The following MLLT1 variants were observed in gnomAD, a reference collection of about 807,000 sequenced individuals.
The protein encoded by MLLT1 is protein ENL.
MLLT1 carries 11 observed loss-of-function variants against 55.1 expected under a neutral mutation model. The observed-to-expected ratio is 0.20, with a 90% CI of 0.13 to 0.33. The LOEUF (loss-of-function observed/expected upper bound fraction) is 0.33, where lower values mean the gene tolerates loss of function less well. MLLT1 is among the 10% of genes least tolerant of loss of function. MLLT1 has a pLI of 1.00. For synonymous variants in MLLT1, 323 were observed against 320.1 expected (o/e 1.01, Z -0.10); for missense variants, 536 against 760.6 (o/e 0.70, Z 3.47).
chr19:6,262,162 G>T lies in MLLT1; in HGVS notation c.276+66C>A. 2 of 1,286,306 alleles carry T rather than the reference G, an allele frequency of 1.6e-6. No individual in the cohort carries two copies. Among genetic ancestry groups the T allele is most frequent in the Non-Finnish European group, 1.1e-6 (1 of 884,830 alleles). The allele number at this position is 1,286,306 out of a possible 1,614,324, so 79.7% of individuals were successfully genotyped here. On this transcript the variant is annotated intron_variant, in intron 3 of 11. Coordinates refer to ENST00000252674, the MANE Select transcript of MLLT1 (RefSeq NM_005934.4). The surrounding 1 kb of genome is among the most constrained non-coding windows in gnomAD (Gnocchi z 4.4). ...AGTTCTCTGGCCTGTTTTGTGAACT[G>T]CCGTGGCACCCGGAGCAGGGGTCCC...
intron 3 of MLLT1, among the ~76,000 whole-genome samples, chr19:6,261,199 C>A (rs2091301722): frequency 6.6e-6 from 1 of 152,236 alleles, no homozygotes; most frequent in Non-Finnish European, 1.5e-5. Context: ...AGGTTCGGCT[C>A]TTCTCCCAGC....
In MLLT1 at chr19:6,262,094, C is replaced by T. The variant is rs1243544999; in HGVS notation, c.276+134G>A. ...CAGGAATGGAGATGGTGACCAGCAC[C>T]CCCCGCAGCACTCACTGGAATGTCT... On this transcript the variant is annotated intron_variant, in intron 3 of 11. Coordinates refer to ENST00000252674, the MANE Select transcript of MLLT1 (RefSeq NM_005934.4). The surrounding 1 kb of genome is among the most constrained non-coding windows in gnomAD (Gnocchi z 4.4). The T allele has an allele frequency of 1.6e-5, 11 of 693,172 alleles. No individual in the cohort carries two copies. The highest frequency in any genetic ancestry group is 2.8e-5 in the Non-Finnish European group (11 of 393,774). 42.9% of individuals were successfully genotyped at this position (693,172 alleles called of 1,614,324 possible).
chr19:6,279,944 G>T lies in MLLT1; in HGVS notation c.-160C>A. On this transcript the variant is annotated 5_prime_UTR_variant, in exon 1 of 12. Coordinates refer to ENST00000252674, the MANE Select transcript of MLLT1 (RefSeq NM_005934.4). Reference sequence around the variant, plus strand: ...CGCCCGCTCGCCCGCCAGCCCCGCGGAACCGGAAACCACCGCCAGCCCGGG... The same window carrying T: ...CGCCCGCTCGCCCGCCAGCCCCGCGTAACCGGAAACCACCGCCAGCCCGGG... The T allele has an allele frequency of 6.0e-6, 1 of 165,702 alleles. No homozygotes were observed. The highest frequency in any genetic ancestry group is 1.2e-5 in the Non-Finnish European group (1 of 80,178). 10.3% of individuals were successfully genotyped at this position (165,702 alleles called of 1,614,324 possible).
Position 6,230,846 on chromosome 19 carries a change from C to T in MLLT1, c.277-133G>A. The T allele has an allele frequency of 8.7e-7, 1 of 1,146,546 alleles. No homozygotes were observed. The highest frequency in any genetic ancestry group is 2.2e-5 in the Admixed American group (1 of 45,464). The allele number at this position is 1,146,546 out of a possible 1,614,324, so 71.0% of individuals were successfully genotyped here. On this transcript the variant is annotated intron_variant, in intron 3 of 11. Coordinates refer to ENST00000252674, the MANE Select transcript of MLLT1 (RefSeq NM_005934.4). The surrounding 1 kb of genome is among the most constrained non-coding windows in gnomAD (Gnocchi z 9.0). ...CCCTCCCTCCGATTTGCGCCCACTT[C>T]TCTCTCAGGGCACCTCCTGCCCTGC...
Position 6,222,432 on chromosome 19 carries a change from A to T in MLLT1, c.799T>A (p.Ser267Thr). 1.3e-6 allele frequency: 2 copies of T among 1,536,864 alleles called. No individual in the cohort carries two copies. The highest frequency in any genetic ancestry group is 1.7e-6 in the Non-Finnish European group (2 of 1,145,044). ...GGGGGTGGGGGCCCACCCTTGGGGG[A>T]CGTGCTTTCCAGCTTGGTCTCTTTC... Reference protein sequence around the residue: ...ALKETKLESTSPKGGPPPPPP... With the variant: ...ALKETKLESTTPKGGPPPPPP... Residue 267 changes from serine to threonine, a missense_variant, in exon 6 of 12, where the codon TCC (serine) becomes ACC (threonine). Around this residue, in one of 3 missense-constraint regions of MLLT1, gnomAD observed 449 missense variants for 489.0 expected, o/e 0.92. Coordinates refer to ENST00000252674, the MANE Select transcript of MLLT1 (RefSeq NM_005934.4). The surrounding 1 kb of genome is among the most constrained non-coding windows in gnomAD (Gnocchi z 4.1).
chr19:6,264,929 G>GA (rs201284176), intron 2 of MLLT1, among the ~76,000 whole-genome samples: 12 of 107,362 alleles, frequency 1.1e-4, no homozygotes, highest in Non-Finnish European at 2.2e-4. Flanking sequence ...ATCCCAGAAA[G>GA]AAAAAAAGAG....
chr19:6,265,226 T>C (rs1003083863), intron 2 of MLLT1, among the ~76,000 whole-genome samples: 12 of 152,162 alleles, frequency 7.9e-5, no homozygotes, highest in East Asian at 1.9e-4. Flanking sequence ...CTAAGTGATA[T>C]ATACTCCCAA....
Position 6,226,578 on chromosome 19 carries a change from C to A in MLLT1, c.546+399G>T, listed in dbSNP as rs996961236. ...CTGGCATAGCCAAGGGCAGAAGTAGCCCCAGCTGCCCTCAGGAGGGTTGAA... is the reference window on the plus strand; with the variant it reads ...CTGGCATAGCCAAGGGCAGAAGTAGACCCAGCTGCCCTCAGGAGGGTTGAA... On this transcript the variant is annotated intron_variant, in intron 5 of 11. Transcript: ENST00000252674. The surrounding 1 kb of genome is among the most constrained non-coding windows in gnomAD (Gnocchi z 6.3). 6.6e-6 allele frequency among the ~76,000 whole-genome samples: 1 copy of A among 152,176 alleles called. No individual in the cohort carries two copies. The highest frequency in any genetic ancestry group is 6.5e-5 in the Admixed American group (1 of 15,286).
At position 6,252,317 on chromosome 19, in the gene MLLT1, C is replaced by T. The variant is rs368448347; in HGVS notation, c.276+9911G>A. ...CTGAGCTTGAGGGGAGCTGTGCTGC[C>T]GGCAACCCAGATCTCCAGCTTGCAG... On this transcript the variant is annotated intron_variant, in intron 3 of 11. Coordinates refer to ENST00000252674, the MANE Select transcript of MLLT1 (RefSeq NM_005934.4). Among the ~76,000 whole-genome samples the T allele has an allele frequency of 5.3e-5, 8 of 152,286 alleles. No homozygotes were observed. The East Asian group carries it at 9.6e-4, about 18-fold the overall frequency.
In MLLT1 at chr19:6,230,669, G is replaced by A. The variant is rs1406266842; in HGVS notation, c.321C>T (p.Asn107=). The A allele has an allele frequency of 2.5e-6, 4 of 1,613,990 alleles. No individual in the cohort carries two copies. Among genetic ancestry groups the A allele is most frequent in the Non-Finnish European group, 8.5e-7 (1 of 1,180,046 alleles). The stretch of plus-strand genomic sequence containing the variant: ...GGTTCACGGGCGGGTTGCCTTCCAG[G>A]TTCAGGAACAGGTCGTAGGTGAAGC... ...KVCFTYDLFL[N]LEGNPPVNHL... Residue 107 remains asparagine, a synonymous_variant, in exon 4 of 12, where the codon AAC becomes AAT. Transcript: ENST00000252674. The surrounding 1 kb of genome is among the most constrained non-coding windows in gnomAD (Gnocchi z 9.0).
chr19:6,252,809 A>G (rs1254430790), intron 3 of MLLT1, among the ~76,000 whole-genome samples: 1 of 152,238 alleles, frequency 6.6e-6, no homozygotes, highest in Non-Finnish European at 1.5e-5. Flanking sequence ...ACCTTTGGCT[A>G]GTATTTAAAA....
rs2091257931 is a variant in MLLT1, at chr19:6,256,495, C to T, written c.276+5733G>A. 6.6e-6 allele frequency among the ~76,000 whole-genome samples: 1 copy of T among 151,862 alleles called. No homozygotes were observed. Among genetic ancestry groups the T allele is most frequent in the Non-Finnish European group, 1.5e-5 (1 of 68,000 alleles). ...AAAGGCGGGGCACGGTGGCTCACGC[C>T]TGTAATCTCAGCACTTTGGGAGGCC... On this transcript the variant is annotated intron_variant, in intron 3 of 11. Coordinates refer to ENST00000252674, the MANE Select transcript of MLLT1 (RefSeq NM_005934.4). The surrounding 1 kb of genome is among the most constrained non-coding windows in gnomAD (Gnocchi z 4.1).
chr19:6,268,984 T>C (rs1163750202), intron 2 of MLLT1, among the ~76,000 whole-genome samples: 1 of 152,062 alleles, frequency 6.6e-6, no homozygotes, highest in Non-Finnish European at 1.5e-5. Flanking sequence ...GAAATCAGCG[T>C]CCGGGGCCCA....
intron 3 of MLLT1, among the ~76,000 whole-genome samples, chr19:6,242,500 G>C (rs2091124223): frequency 6.6e-6 from 1 of 152,192 alleles, no homozygotes; most frequent in Non-Finnish European, 1.5e-5. Context: ...CTTGTTGCAG[G>C]GGTTGGGGAG....
At chr19:6,232,686 T>C (rs962267841) in intron 3 of MLLT1, among the ~76,000 whole-genome samples, 1 of 151,912 alleles carries the variant, frequency 6.6e-6, no homozygotes, top group Non-Finnish European at 1.5e-5. Flanking sequence ...CATGGATGAG[T>C]TGGTACCTTG....
Position 6,270,619 on chromosome 19 carries a change from C to T in MLLT1, c.153G>A (p.Val51=). 6.2e-7 allele frequency: 1 copy of T among 1,613,944 alleles called. No homozygotes were observed. The highest frequency in any genetic ancestry group is 8.5e-7 in the Non-Finnish European group (1 of 1,179,906). The part of the protein sequence containing the change: ...QCDIQHFVEK[V]VFWLHDSFPK... ...GGAAGCTGTCGTGCAGCCAGAAGAC[C>T]ACCTTCTCCACGAAGTGCTGGATGT... The change falls in exon 2 of 12, where the codon GTG becomes GTA. Residue 51 remains valine (V), a synonymous_variant. Transcript: ENST00000252674. This position sits in a 1 kb window ranked among gnomAD's most constrained non-coding sequence, Gnocchi z 7.1.
At position 6,223,927 on chromosome 19, in the gene MLLT1, C is replaced by T. The variant is rs558670448; in HGVS notation, c.547-1243G>A. 2.4e-3 allele frequency among the ~76,000 whole-genome samples: 361 copies of T among 152,278 alleles called. 1 individual carries two copies. The highest frequency in any genetic ancestry group is 8.3e-3 in the African/African-American group (346 of 41,560). ...CAGAGCCTGTCCAGACAATTGTGTA[C>T]CTGGCCTCCCGGCACAGAAGCCAGC... On this transcript the variant is annotated intron_variant, in intron 5 of 11. Transcript: ENST00000252674.
chr19:6,221,675 T>G (rs958543157), intron 6 of MLLT1, among the ~76,000 whole-genome samples: 1 of 152,190 alleles, frequency 6.6e-6, no homozygotes, highest in African/African-American at 2.4e-5. Flanking sequence ...GCCCTCATCA[T>G]TAACCTCCAG....
Position 6,211,643 on chromosome 19 carries a change from G to A in MLLT1, c.*1399C>T, listed in dbSNP as rs2090773135. 9.4e-7 allele frequency: 1 copy of A among 1,064,352 alleles called. No individual in the cohort carries two copies. The highest frequency in any genetic ancestry group is 1.1e-6 in the Non-Finnish European group (1 of 878,750). 65.9% of individuals were successfully genotyped at this position (1,064,352 alleles called of 1,614,324 possible). ...TCCTCATAACTTGGTCAGGGCACAA[G>A]GACTTGAAAGGACTTGAAAGTCAGG... is the stretch of plus-strand genomic sequence containing the variant. On this transcript the variant is annotated 3_prime_UTR_variant, in exon 12 of 12. Coordinates refer to ENST00000252674, the MANE Select transcript of MLLT1 (RefSeq NM_005934.4). The surrounding 1 kb of genome is among the most constrained non-coding windows in gnomAD (Gnocchi z 4.6).
Sources: allele counts gnomAD v4.1 joint callset (sites outside exome capture counted in the v4.1 genomes callset), GRCh38; gene constraint gnomAD v4.1.1; regional missense constraint gnomAD v4.1.1; non-coding constraint Gnocchi (gnomAD v3.1); transcripts MANE v1.5; gene names NCBI Gene and HGNC (gene_info 2026-07-23, HGNC 2026-07-21).